The following TYR variants were observed in gnomAD, a reference collection of about 807,000 sequenced individuals.
TYR encodes LB24-AB.
Under a neutral mutation model 51.5 loss-of-function variants are expected in TYR, and 58 were observed. That is an observed-to-expected ratio of 1.13 (90% CI 0.91 to 1.40). The LOEUF (loss-of-function observed/expected upper bound fraction) is 1.40. Ranked by LOEUF, TYR falls within the 40% of genes most tolerant of loss-of-function variation. The pLI is 0.00. For missense variants in TYR, 732 were observed against 647.4 expected (o/e 1.13, Z -1.42); for synonymous variants, 263 against 235.2 (o/e 1.12, Z -1.08).
chr11:89,239,999 C>T (rs149856863), intron 3 of TYR, among the ~76,000 whole-genome samples: 72 of 152,198 alleles, frequency 4.7e-4, no homozygotes, highest in African/African-American at 1.7e-3. Flanking sequence ...GACAATAATG[C>T]ACATTTTCTG....
At position 89,178,316 on chromosome 11, in the gene TYR, A is replaced by G; in HGVS notation, c.363A>G (p.Arg121=). The change falls in exon 1 of 5, where the codon AGA becomes AGG. Residue 121 remains arginine, a synonymous_variant. Coordinates refer to ENST00000263321, the MANE Select transcript of TYR (RefSeq NM_000372.5). ...NCTERRLLVR[R]NIFDLSAPEK... Reference sequence around the variant, plus strand: ...CAGAGAGACGACTCTTGGTGAGAAGAAACATCTTCGATTTGAGTGCCCCAG... The same window carrying G: ...CAGAGAGACGACTCTTGGTGAGAAGGAACATCTTCGATTTGAGTGCCCCAG... 6.2e-7 allele frequency: 1 copy of G among 1,614,204 alleles called. No homozygotes were observed. The highest frequency in any genetic ancestry group is 8.5e-7 in the Non-Finnish European group (1 of 1,180,034).
intron 2 of TYR, among the ~76,000 whole-genome samples, chr11:89,204,927 T>C (rs553786839): frequency 3.9e-5 from 6 of 152,176 alleles, no homozygotes; most frequent in African/African-American, 1.4e-4. Context: ...TTTTTGCCAT[T>C]GAACAGAATG....
At chr11:89,264,215 T>C (rs1230509766) in intron 3 of TYR, among the ~76,000 whole-genome samples, 1 of 152,064 alleles carries the variant, frequency 6.6e-6, no homozygotes, top group Non-Finnish European at 1.5e-5. Context: ...AAAAAATTCC[T>C]ACACTGAATG....
At chr11:89,268,108 A>T (rs1944547221) in intron 3 of TYR, among the ~76,000 whole-genome samples, 1 of 151,946 alleles carries the variant, frequency 6.6e-6, no homozygotes, top group Non-Finnish European at 1.5e-5. Flanking sequence ...GGCAAGTTTT[A>T]TATCCCTTTT....
intron 3 of TYR, among the ~76,000 whole-genome samples, chr11:89,274,764 T>G (rs1030433866): frequency 1.3e-5 from 2 of 151,868 alleles, no homozygotes; most frequent in Non-Finnish European, 1.5e-5. Context: ...CCTTTGTGCT[T>G]GTGGAAATTG....
At chr11:89,218,538 A>G (rs1347643195) in intron 2 of TYR, among the ~76,000 whole-genome samples, 2 of 152,174 alleles carry the variant, frequency 1.3e-5, no homozygotes, top group Admixed American at 1.3e-4. Context: ...GAGCTGGAAT[A>G]GTTTCAGTAA....
At chr11:89,244,848 C>G (rs1944243584) in intron 3 of TYR, among the ~76,000 whole-genome samples, 1 of 152,150 alleles carries the variant, frequency 6.6e-6, no homozygotes. Context: ...TTACTAAATA[C>G]TATTATTCTC....
At chr11:89,263,811 T>C (rs1944491459) in intron 3 of TYR, among the ~76,000 whole-genome samples, 1 of 152,030 alleles carries the variant, frequency 6.6e-6, no homozygotes, top group Non-Finnish European at 1.5e-5. Flanking sequence ...CTGAAAACTA[T>C]AAAACACTAT....
intron 3 of TYR, among the ~76,000 whole-genome samples, chr11:89,264,962 C>G (rs142958307): frequency 0.01 from 1,593 of 152,100 alleles, 22 homozygotes; most frequent in African/African-American, 0.034. Context: ...TAAATGATAT[C>G]TAAGTATTTA....
chr11:89,195,234 T>C (rs1307418333), intron 2 of TYR, among the ~76,000 whole-genome samples: 1 of 152,210 alleles, frequency 6.6e-6, no homozygotes. Context: ...AAGTGTATAA[T>C]GCACTTCCCA....
chr11:89,295,222 G>A lies in TYR; in HGVS notation c.1446G>A (p.Ala482=), dbSNP rs3913543. 4.4e-5 allele frequency: 71 copies of A among 1,613,846 alleles called. No individual in the cohort carries two copies. The highest frequency in any genetic ancestry group is 1.6e-4 in the South Asian group (15 of 91,080). The change falls in exon 5 of 5, where the codon GCG becomes GCA. Residue 482 remains alanine (A), a synonymous_variant. Transcript: ENST00000263321. ...SRIWSWLLGA[A]MVGAVLTALL... ...TCTGGTCATGGCTCCTTGGGGCGGC[G>A]ATGGTAGGGGCCGTCCTCACTGCCC...
At chr11:89,228,790 A>G (rs1235844549) in intron 3 of TYR, among the ~76,000 whole-genome samples, 3 of 152,116 alleles carry the variant, frequency 2.0e-5, no homozygotes, top group African/African-American at 7.2e-5. Flanking sequence ...TGTCTTAGAT[A>G]TATTAGGTTT....
chr11:89,242,895 A>G (rs1944217657), intron 3 of TYR, among the ~76,000 whole-genome samples: 1 of 152,224 alleles, frequency 6.6e-6, no homozygotes, highest in Non-Finnish European at 1.5e-5. Flanking sequence ...AATGAATTAA[A>G]GAGTCAGAGA....
At chr11:89,247,175 C>T (rs1421606086) in intron 3 of TYR, among the ~76,000 whole-genome samples, 1 of 152,114 alleles carries the variant, frequency 6.6e-6, no homozygotes, top group Admixed American at 6.6e-5. Context: ...GCTCTTATAC[C>T]ACTCTGTGCT....
chr11:89,222,460 C>A (rs923229177), intron 2 of TYR, among the ~76,000 whole-genome samples: 1 of 152,070 alleles, frequency 6.6e-6, no homozygotes, highest in Non-Finnish European at 1.5e-5. Flanking sequence ...TGTTGGGTGC[C>A]GGGCACGGTG....
At chr11:89,231,206 T>TGC (rs71052221) in intron 3 of TYR, among the ~76,000 whole-genome samples, 71,998 of 146,138 alleles carry the variant, frequency 0.49, 20,427 homozygotes, top group African/African-American at 0.8. Flanking sequence ...GGAATTGTTG[T>TGC]ACTGTTCATG....
At chr11:89,200,627 A>G (rs533264021) in intron 2 of TYR, 1 of 152,182 alleles carries the variant, frequency 6.6e-6, no homozygotes, top group South Asian at 2.1e-4. Context: ...TTGTTATGTG[A>G]TAGTATAAAT....
At chr11:89,217,389 A>G (rs904999927) in intron 2 of TYR, among the ~76,000 whole-genome samples, 2 of 152,150 alleles carry the variant, frequency 1.3e-5, no homozygotes, top group Non-Finnish European at 2.9e-5. Flanking sequence ...CCCTATGGCT[A>G]TGTTAGTGAG....
At chr11:89,225,574 T>C (rs1370863398) in intron 2 of TYR, among the ~76,000 whole-genome samples, 1 of 151,834 alleles carries the variant, frequency 6.6e-6, no homozygotes, top group East Asian at 1.9e-4. Context: ...CAAGTTCAAG[T>C]ATAAAAAGGT....
Sources: gnomAD v4.1 joint callset for allele counts (sites outside exome capture counted in the v4.1 genomes callset) on GRCh38, gnomAD v4.1.1 for gene constraint, MANE v1.5 for transcripts, NCBI Gene and HGNC (gene_info 2026-07-23, HGNC 2026-07-21) for gene names.